SLFN13: variants seen among roughly 807,000 people sequenced by gnomAD.
The protein encoded by SLFN13 is schlafen family member 13.
A neutral mutation model predicts 50.6 loss-of-function variants in SLFN13; 43 were observed. That is an observed-to-expected ratio of 0.85 (90% CI 0.67 to 1.09). SLFN13 has a LOEUF of 1.09. Ranked by LOEUF, SLFN13 falls within the 50% of genes least tolerant of loss-of-function variation. SLFN13 has a pLI of 0.00. For missense variants in SLFN13, 881 were observed against 1,071.1 expected (o/e 0.82, Z 2.48); for synonymous variants, 339 against 386.5 (o/e 0.88, Z 1.44).
Position 35,443,938 on chromosome 17 carries a change from T to A in SLFN13, c.1067-18A>T. On this transcript the variant is annotated intron_variant, in intron 3 of 5. Transcript: ENST00000285013. ...AGGAAACTCTGAAAGAAAGAACATTTTAATTTACACTATATGATTTCATGT... is the reference window on the plus strand; with the variant it reads ...AGGAAACTCTGAAAGAAAGAACATTATAATTTACACTATATGATTTCATGT... The A allele has an allele frequency of 2.5e-6, 4 of 1,611,120 alleles. No homozygotes were observed. Among genetic ancestry groups the A allele is most frequent in the Non-Finnish European group, 3.4e-6 (4 of 1,178,394 alleles).
At chr17:35,445,991 C>A in intron 2 of SLFN13, 1 of 243,922 alleles carries the variant, frequency 4.1e-6, no homozygotes, top group Non-Finnish European at 7.9e-6. Flanking sequence ...TCCATTTAGG[C>A]CAAGACTTAA....
Position 35,441,299 on chromosome 17 carries a change from G to T in SLFN13, c.1990C>A (p.His664Asn). 6.2e-7 allele frequency: 1 copy of T among 1,613,526 alleles called. No individual in the cohort carries two copies. Among genetic ancestry groups the T allele is most frequent in the Admixed American group, 1.7e-5 (1 of 59,924 alleles). ...FLREKFEHIQ[H>N]IVIDEAQNFR... ...TTCTGAGCTTCGTCAATGACGATGTGTTGAATGTGTTCAAATTTTTCTCTT... is the reference window on the plus strand; with the variant it reads ...TTCTGAGCTTCGTCAATGACGATGTTTTGAATGTGTTCAAATTTTTCTCTT... The change falls in exon 6 of 6, where the codon CAC (histidine) becomes AAC (asparagine). Residue 664 changes from histidine (H) to asparagine (N), a missense_variant. Coordinates refer to ENST00000285013, the MANE Select transcript of SLFN13 (RefSeq NM_144682.6).
In SLFN13 at chr17:35,440,534, A is replaced by C. The variant is rs1912799580; in HGVS notation, c.*61T>G. On this transcript the variant is annotated 3_prime_UTR_variant, in exon 6 of 6. Transcript: ENST00000285013. ...AAAAAGAAAGGTTTCTACCATCAGC[A>C]GACTGTCACCCATAGACATTTACAC... The C allele has an allele frequency of 6.4e-7, 1 of 1,564,168 alleles. No individual in the cohort carries two copies. Among genetic ancestry groups the C allele is most frequent in the Non-Finnish European group, 8.7e-7 (1 of 1,145,806 alleles).
rs143678593 is a variant in SLFN13, at chr17:35,444,912, G to C, written c.769C>G (p.Leu257Val). 2.4e-5 allele frequency: 39 copies of C among 1,614,128 alleles called. No individual in the cohort carries two copies. The East Asian group carries it at 6.7e-4, about 28-fold the overall frequency. ...IGVDDKSRKV[L>V]GCAKEQVDPD... ...TCAACCTGTTCTTTGGCACATCCCA[G>C]GACTTTCCTACTCTTATCATCCACT... The change falls in exon 3 of 6, where the codon CTG becomes GTG. Residue 257 changes from leucine to valine, a missense_variant. Leu to Val is a conservative substitution (Grantham distance 32, BLOSUM62 1). Coordinates refer to ENST00000285013, the MANE Select transcript of SLFN13 (RefSeq NM_144682.6).
intron 3 of SLFN13, 51 bp downstream of exon 3, chr17:35,444,562 GTA>G: frequency 6.8e-7 from 1 of 1,468,270 alleles, no homozygotes; most frequent in Non-Finnish European, 9.3e-7. Flanking sequence ...GAAGGAAGTG[GTA>G]TTGGGGAAGA....
Position 35,442,199 on chromosome 17 carries a change from T to G in SLFN13, c.1286A>C (p.Lys429Thr). 11 of 1,614,102 alleles carry G rather than the reference T, an allele frequency of 6.8e-6. No individual in the cohort carries two copies. Among genetic ancestry groups the G allele is most frequent in the Non-Finnish European group, 9.3e-6 (11 of 1,180,010 alleles). ...TCCCTGGGAGAAAGGTCGCATTTGC[T>G]TGTGTATTAACTCCTTTAGTCCTTC... ...QHEGLKELIH[K>T]QMRPFSQGIV... The change falls in exon 5 of 6, where the codon AAG (lysine) becomes ACG (threonine). Residue 429 changes from lysine (K) to threonine (T), a missense_variant. Physicochemically the swap from Lys to Thr is moderately conservative, Grantham distance 78. Coordinates refer to ENST00000285013, the MANE Select transcript of SLFN13 (RefSeq NM_144682.6).
intron 1 of SLFN13, among the ~76,000 whole-genome samples, 197 bp downstream of exon 1, chr17:35,448,525 C>T (rs1415955403): frequency 1.3e-5 from 2 of 152,236 alleles, no homozygotes; most frequent in African/African-American, 4.8e-5. Flanking sequence ...GCAAACTAGC[C>T]GAACCCCAAA....
In SLFN13 at chr17:35,435,617, AT is replaced by A. The variant is rs1332831646; in HGVS notation, c.*4977del. The A allele has an allele frequency of 1.3e-5, 2 of 151,774 alleles. No homozygotes were observed. The highest frequency in any genetic ancestry group is 3.9e-4 in the East Asian group (2 of 5,182). 9.4% of individuals were successfully genotyped at this position (151,774 alleles called of 1,614,324 possible). A position where few individuals can be genotyped will look rare whatever the true frequency, so the allele number is the denominator to read the frequency against. The stretch of plus-strand genomic sequence containing the variant: ...TTCATGCTGTAAATTCCCTTTGTTG[AT>A]TTCCAAAAGTGTTTTTATACTTCTA... On this transcript the variant is annotated 3_prime_UTR_variant, in exon 6 of 6. Transcript: ENST00000285013.
Position 35,437,043 on chromosome 17 carries a change from C to T in SLFN13, c.*3552G>A, listed in dbSNP as rs1401858840. On this transcript the variant is annotated 3_prime_UTR_variant, in exon 6 of 6. Transcript: ENST00000285013. ...TGAAGTATTTAGTGGTAAATGGGAA[C>T]CCTGTCCGCTACTTACTTTTGAATC... 1 of 152,026 alleles carries T rather than the reference C, an allele frequency of 6.6e-6. No individual in the cohort carries two copies. The highest frequency in any genetic ancestry group is 2.4e-5 in the African/African-American group (1 of 41,402). The allele number at this position is 152,026 out of a possible 1,614,324, so 9.4% of individuals were successfully genotyped here.
At position 35,438,580 on chromosome 17, in the gene SLFN13, A is replaced by T. The variant is rs1912703633; in HGVS notation, c.*2015T>A. ...TGCTGAGCTGTATCTCATTTAATGC[A>T]GCCAGAAAGAAAGAAGAAATATTTT... On this transcript the variant is annotated 3_prime_UTR_variant, in exon 6 of 6. Transcript: ENST00000285013. 3 of 152,138 alleles carry T rather than the reference A, an allele frequency of 2.0e-5. No homozygotes were observed. Among genetic ancestry groups the T allele is most frequent in the African/African-American group, 4.8e-5 (2 of 41,456 alleles). 9.4% of individuals were successfully genotyped at this position (152,138 alleles called of 1,614,324 possible).
Position 35,441,489 on chromosome 17 carries a change from G to A in SLFN13, c.1922+74C>T, listed in dbSNP as rs2681067. ...ATCATTTTACCACTCAATTCTCAAG[G>A]AAGAAGGTGACTTAGCAGAAAAAAT... is the stretch of plus-strand genomic sequence containing the variant. On this transcript the variant is annotated intron_variant, in intron 5 of 5. Coordinates refer to ENST00000285013, the MANE Select transcript of SLFN13 (RefSeq NM_144682.6). The A allele has an allele frequency of 2.3e-5, 37 of 1,603,960 alleles. No homozygotes were observed. In the Middle Eastern group the frequency reaches 8.3e-4, roughly 36 times the overall value.
chr17:35,445,718 C>G, intron 2 of SLFN13, 25 bp from the exon 3 acceptor site: 1 of 1,502,458 alleles, frequency 6.7e-7, no homozygotes, highest in Non-Finnish European at 8.9e-7. Context: ...ATATTTGTTT[C>G]ATTTTTGATT....
rs1255367126 is a variant in SLFN13 at position 35,443,841 on chromosome 17, A to G, written c.1146T>C (p.Tyr382=). The G allele has an allele frequency of 8.1e-6, 13 of 1,613,752 alleles. No homozygotes were observed. The highest frequency in any genetic ancestry group is 9.3e-6 in the Non-Finnish European group (11 of 1,179,760). ...CTTTGTGTTCCAGACCTTTCTTAGA[A>G]TACACTGGTCTGCAAAGTGAAGGAC... The part of the protein sequence containing the change: ...SDSPSLCRPV[Y]SKKGLEHKAD... Residue 382 remains tyrosine, a synonymous_variant, in exon 4 of 6, where the codon TAT becomes TAC. Transcript: ENST00000285013.
intron 4 of SLFN13, 69 bp from the exon 5 acceptor site, chr17:35,442,355 A>G: frequency 6.8e-7 from 1 of 1,467,672 alleles, no homozygotes; most frequent in Non-Finnish European, 9.1e-7. Context: ...CACATGTTAC[A>G]TTTAAAAGAC....
At position 35,442,287 on chromosome 17, in the gene SLFN13, C is replaced by A; in HGVS notation, c.1199-1G>T. On this transcript the variant is annotated splice_acceptor_variant, in intron 4 of 5. Transcript: ENST00000285013. LOFTEE classifies it high-confidence loss of function. ...GTACATTCCAAATGTCCTGGTGGAA[C>A]TAGACAGGAAGAAAATAGAAAGATG... 1.9e-6 allele frequency: 3 copies of A among 1,562,554 alleles called. No individual in the cohort carries two copies. Among genetic ancestry groups the A allele is most frequent in the South Asian group, 1.2e-5 (1 of 83,210 alleles).
Position 35,436,644 on chromosome 17 carries a change from C to T in SLFN13, c.*3951G>A, listed in dbSNP as rs939363461. 1.3e-5 allele frequency: 2 copies of T among 152,118 alleles called. No individual in the cohort carries two copies. The highest frequency in any genetic ancestry group is 1.3e-4 in the Admixed American group (2 of 15,268). The allele number at this position is 152,118 out of a possible 1,614,324, so 9.4% of individuals were successfully genotyped here. A position where few individuals can be genotyped will look rare whatever the true frequency, so the allele number is the denominator to read the frequency against. On this transcript the variant is annotated 3_prime_UTR_variant, in exon 6 of 6. Transcript: ENST00000285013. ...CCTTCTAATACCGTGAACTGAGAAC[C>T]GTAACAGCCCTTCTATGGAATTCAT...
At position 35,442,283 on chromosome 17, in the gene SLFN13, G is replaced by A. The variant is rs1234609781; in HGVS notation, c.1202C>T (p.Pro401Leu). The A allele has an allele frequency of 1.3e-6, 2 of 1,566,584 alleles. No individual in the cohort carries two copies. The highest frequency in any genetic ancestry group is 1.7e-6 in the Non-Finnish European group (2 of 1,157,794). Residue 401 changes from proline to leucine, a missense_variant, in exon 5 of 6, where the codon CCA becomes CTA. Transcript: ENST00000285013. ...ADLQQHLFPVPPGHLECTPES... is the reference protein window; with the variant it reads ...ADLQQHLFPVLPGHLECTPES... ...TGGAGTACATTCCAAATGTCCTGGT[G>A]GAACTAGACAGGAAGAAAATAGAAA... is the stretch of plus-strand genomic sequence containing the variant.
In SLFN13 at chr17:35,436,203, T is replaced by A. The variant is rs1334693970; in HGVS notation, c.*4392A>T. 6.6e-6 allele frequency: 1 copy of A among 151,850 alleles called. No homozygotes were observed. The highest frequency in any genetic ancestry group is 1.5e-5 in the Non-Finnish European group (1 of 68,006). 9.4% of individuals were successfully genotyped at this position (151,850 alleles called of 1,614,324 possible). A position where few individuals can be genotyped will look rare whatever the true frequency, so the allele number is the denominator to read the frequency against. On this transcript the variant is annotated 3_prime_UTR_variant, in exon 6 of 6. Transcript: ENST00000285013. ...AAGCATTTGAATAAGACTGAAATTC[T>A]CTAGGACTGAAATTCTCTCCTCCTT...
chr17:35,449,708 T>C (rs1913403163), upstream of SLFN13, among the ~76,000 whole-genome samples: 1 of 152,146 alleles, frequency 6.6e-6, no homozygotes, highest in Admixed American at 6.5e-5. Context: ...TGTTAAAGGC[T>C]GCGGCAGAGC....
Sources: gnomAD v4.1 joint callset for allele counts (sites outside exome capture counted in the v4.1 genomes callset) on GRCh38, gnomAD v4.1.1 for gene constraint, MANE v1.5 for transcripts, NCBI Gene and HGNC (gene_info 2026-07-23, HGNC 2026-07-21) for gene names.